WDR4: variants seen among roughly 807,000 people sequenced by gnomAD.
WDR4 encodes the protein WDR4 tRNA N7-guanosine methyltransferase non-catalytic subunit.
WDR4 carries 47 observed loss-of-function variants against 48.6 expected under a neutral mutation model. The observed-to-expected ratio is 0.97, with a 90% confidence interval of 0.77 to 1.23. The LOEUF is 1.23. Among genes scored for constraint, WDR4 ranks in the 50% most tolerant of loss-of-function variants. The pLI is 0.00. For missense variants in WDR4, 606 were observed against 551.6 expected (o/e 1.10, Z -0.99); for synonymous variants, 268 against 230.0 (o/e 1.17, Z -1.49).
chr21:42,879,385 T>C, intron 1 of WDR4, 22 bp downstream of exon 1: 2 of 1,612,078 alleles, frequency 1.2e-6, no homozygotes, highest in South Asian at 2.2e-5. Flanking sequence ...GTCTCCCTGT[T>C]CCAAGACCAA....
At chr21:42,875,970 A>G (rs2058481693) in intron 2 of WDR4, among the ~76,000 whole-genome samples, 6 of 119,328 alleles carry the variant, frequency 5.0e-5, no homozygotes, top group Admixed American at 1.0e-4. Flanking sequence ...CAGGTTGGAG[A>G]GTGCGGTGGC....
Position 42,862,312 on chromosome 21 carries a change from C to T in WDR4, c.536G>A (p.Ser179Asn), listed in dbSNP as rs2058136322. The T allele has an allele frequency of 1.9e-6, 3 of 1,611,012 alleles. No individual in the cohort carries two copies. The highest frequency in any genetic ancestry group is 2.2e-5 in the South Asian group (2 of 90,408). ...IRVSWAAAPH[S>N]IESFCLGHTE... ...GTGCCCCAAGCAGAAGGACTCGATG[C>T]TATGGGGCGCCGCGGCCCAGCTGAC... The change falls in exon 5 of 11, where the codon AGC (serine) becomes AAC (asparagine). Residue 179 changes from serine (S) to asparagine (N), a missense_variant. Physicochemically the swap from Ser to Asn is conservative, Grantham distance 46. Transcript: ENST00000398208. The surrounding 1 kb of genome is among the most constrained non-coding windows in gnomAD (Gnocchi z 4.3).
rs571492757 is a variant in WDR4, at chr21:42,870,349, T to C, written c.296+3202A>G. Among the ~76,000 whole-genome samples, 9 of 151,578 alleles carry C rather than the reference T, an allele frequency of 5.9e-5. No homozygotes were observed. In the East Asian group the frequency reaches 1.6e-3, roughly 26 times the overall value. ...CTGGGTGACAGAGCGAGACTCTGTC[T>C]CAAAACAAAGAAAGAAAGAAATCAC... On this transcript the variant is annotated intron_variant, in intron 3 of 10. Coordinates refer to ENST00000398208, the MANE Select transcript of WDR4 (RefSeq NM_018669.6).
the WDR4 span, among the ~76,000 whole-genome samples, chr21:42,885,788 C>T: frequency 7.0e-4 from 107 of 151,944 alleles, no homozygotes; most frequent in African/African-American, 2.5e-3. Flanking sequence ...TTGACCTCCT[C>T]GGCTCAAGTG....
At chr21:42,879,769 G>A, upstream of WDR4, 1 of 462,394 alleles carries the variant, frequency 2.2e-6, no homozygotes, top group East Asian at 3.3e-5. Flanking sequence ...CTTGCCTAAT[G>A]TTCATCCTTT....
intron 7 of WDR4, among the ~76,000 whole-genome samples, 195 bp from the exon 8 acceptor site, chr21:42,854,821 A>G (rs1483926481): frequency 6.6e-6 from 1 of 152,050 alleles, no homozygotes; most frequent in Non-Finnish European, 1.5e-5. Flanking sequence ...AGATGACAAA[A>G]GCCCCCCAGT....
At chr21:42,871,018 T>C (rs994989280) in intron 3 of WDR4, among the ~76,000 whole-genome samples, 2 of 152,230 alleles carry the variant, frequency 1.3e-5, no homozygotes, top group African/African-American at 2.4e-5. Flanking sequence ...TGTATTTGGA[T>C]AGGACCTTTA....
chr21:42,888,972 G>A, the WDR4 span, among the ~76,000 whole-genome samples: 1 of 151,698 alleles, frequency 6.6e-6, no homozygotes, highest in Admixed American at 6.6e-5. Flanking sequence ...CCAAAGTGCT[G>A]AGACTACAGG....
chr21:42,862,246 C>A lies in WDR4; in HGVS notation c.566+36G>T, dbSNP rs776820699. ...AAGCTGACGCTGTTTTCAAACAGACCTTCTTTCTGCTGGAGGGGCAGGAAG... is the reference window on the plus strand; with the variant it reads ...AAGCTGACGCTGTTTTCAAACAGACATTCTTTCTGCTGGAGGGGCAGGAAG... On this transcript the variant is annotated intron_variant, in intron 5 of 10. Transcript: ENST00000398208. This position sits in a 1 kb window ranked among gnomAD's most constrained non-coding sequence, Gnocchi z 4.3. The A allele has an allele frequency of 6.4e-7, 1 of 1,553,806 alleles. No homozygotes were observed. Among genetic ancestry groups the A allele is most frequent in the Non-Finnish European group, 8.7e-7 (1 of 1,145,608 alleles).
intron 2 of WDR4, 100 bp downstream of exon 2, chr21:42,876,602 C>T: frequency 1.7e-6 from 2 of 1,152,162 alleles, no homozygotes; most frequent in Non-Finnish European, 2.5e-6. Context: ...GTGACAGAAG[C>T]TAAGAATTCA....
chr21:42,874,366 G>A (rs190710871), intron 2 of WDR4, among the ~76,000 whole-genome samples: 6 of 152,226 alleles, frequency 3.9e-5, no homozygotes, highest in Admixed American at 2.0e-4. Flanking sequence ...TGATAATTGC[G>A]TTGACTGCAC....
intron 6 of WDR4, among the ~76,000 whole-genome samples, chr21:42,856,523 G>C (rs1308761828): frequency 2.6e-5 from 4 of 152,112 alleles, no homozygotes; most frequent in Middle Eastern, 3.4e-3. Flanking sequence ...TCCCGCCTCA[G>C]CCTCCGAGTA....
At chr21:42,856,152 T>A (rs2057985309) in intron 6 of WDR4, among the ~76,000 whole-genome samples, 1 of 151,910 alleles carries the variant, frequency 6.6e-6, no homozygotes, top group African/African-American at 2.4e-5. Flanking sequence ...TGCACACAGG[T>A]CTGCGCAGAC....
chr21:42,854,761 T>C (rs1222560997), intron 7 of WDR4, 135 bp from the exon 8 acceptor site: 1 of 773,562 alleles, frequency 1.3e-6, no homozygotes, highest in African/African-American at 1.8e-5. Context: ...CACTGGAACA[T>C]TCTGGAATCA....
In WDR4 at chr21:42,863,512, G is replaced by A; in HGVS notation, c.381C>T (p.Tyr127=). ...VLVADKSGDV[Y]SFSVLEPHGC... is the part of the protein sequence containing the mutation. Reference sequence around the variant, plus strand: ...CGTGTGGCTCCAGCACCGAAAAGGAGTAGACGTCTCCAGACTTGTCGGCCA... The same window carrying A: ...CGTGTGGCTCCAGCACCGAAAAGGAATAGACGTCTCCAGACTTGTCGGCCA... The change falls in exon 4 of 11, where the codon TAC becomes TAT. Residue 127 remains tyrosine (Y), a synonymous_variant. Coordinates refer to ENST00000398208, the MANE Select transcript of WDR4 (RefSeq NM_018669.6). 1 of 1,614,020 alleles carries A rather than the reference G, an allele frequency of 6.2e-7. No individual in the cohort carries two copies. The highest frequency in any genetic ancestry group is 8.5e-7 in the Non-Finnish European group (1 of 1,179,990).
At chr21:42,848,859 C>T (rs566836153), downstream of WDR4, among the ~76,000 whole-genome samples, 5 of 64,660 alleles carry the variant, frequency 7.7e-5, 1 homozygote, top group African/African-American at 4.4e-4. Flanking sequence ...ACGATCACAC[C>T]GCGCACCTCA....
intron 2 of WDR4, 38 bp from the exon 3 acceptor site, chr21:42,873,729 A>G (rs770316681): frequency 6.2e-7 from 1 of 1,601,102 alleles, no homozygotes; most frequent in Admixed American, 1.7e-5. Context: ...AGCTTCACCT[A>G]AGGAAATAAG....
chr21:42,855,845 G>C (rs2057976752), intron 6 of WDR4, 65 bp from the exon 7 acceptor site: 2 of 1,344,774 alleles, frequency 1.5e-6, no homozygotes, highest in Non-Finnish European at 2.0e-6. Flanking sequence ...GGGTGACAGA[G>C]AGGACAGCTG....
At chr21:42,864,637 T>C (rs73905778) in intron 3 of WDR4, among the ~76,000 whole-genome samples, 9 of 152,242 alleles carry the variant, frequency 5.9e-5, no homozygotes, top group African/African-American at 7.2e-5. Flanking sequence ...CCCAGAGTCA[T>C]GGATGCACCA....
Sources: allele counts gnomAD v4.1 joint callset (sites outside exome capture counted in the v4.1 genomes callset), GRCh38; gene constraint gnomAD v4.1.1; non-coding constraint Gnocchi (gnomAD v3.1); transcripts MANE v1.5; gene names NCBI Gene and HGNC (gene_info 2026-07-23, HGNC 2026-07-21).